The following PARD3 variants were observed in gnomAD, a reference collection of about 807,000 sequenced individuals.
The protein encoded by PARD3 is par-3 family cell polarity regulator, also known as partitioning defective 3 homolog.
In PARD3, 75 loss-of-function variants were observed where a neutral mutation model predicts 155.4. That is an observed-to-expected ratio of 0.48 (90% CI 0.40 to 0.58). The LOEUF (loss-of-function observed/expected upper bound fraction) is 0.58. PARD3 is among the 20% of genes least tolerant of loss of function. The probability of loss-of-function intolerance (pLI) is 0.00; values close to 1 mark genes in which losing one functional copy is unlikely to be tolerated. For synonymous variants in PARD3, 576 were observed against 610.5 expected (o/e 0.94, Z 0.83); for missense variants, 1,642 against 1,721.7 (o/e 0.95, Z 0.82).
chr10:34,177,574 C>G (rs1950089632), intron 22 of PARD3, among the ~76,000 whole-genome samples: 1 of 152,214 alleles, frequency 6.6e-6, no homozygotes, highest in Admixed American at 6.5e-5. Context: ...CACTGGGTTG[C>G]TAGCTTTCAA....
At position 34,449,875 on chromosome 10, in the gene PARD3, C is replaced by T. The variant is rs183161099; in HGVS notation, c.714+442G>A. 2.0e-5 allele frequency among the ~76,000 whole-genome samples: 3 copies of T among 152,310 alleles called. No individual in the cohort carries two copies. In the East Asian group the frequency reaches 5.8e-4, roughly 29 times the overall value. ...CCCAAACATGACAAAATACCGTAAT[C>T]TAAATTCTAAAACAACACCATAGGA... On this transcript the variant is annotated intron_variant, in intron 5 of 24. Transcript: ENST00000374788.
chr10:34,557,480 C>T (rs1564841073), intron 2 of PARD3, among the ~76,000 whole-genome samples: 1 of 151,754 alleles, frequency 6.6e-6, no homozygotes, highest in East Asian at 2.0e-4. Flanking sequence ...CCTACTGTTT[C>T]GTTTTTTTGT....
chr10:34,668,555 T>C (rs530354295), intron 2 of PARD3, among the ~76,000 whole-genome samples: 2 of 152,334 alleles, frequency 1.3e-5, no homozygotes, highest in Admixed American at 1.3e-4. Context: ...AACCTGGCTC[T>C]ATAGCATTAT....
At chr10:34,161,580 A>T (rs772781477) in intron 22 of PARD3, among the ~76,000 whole-genome samples, 1 of 152,182 alleles carries the variant, frequency 6.6e-6, no homozygotes, top group Non-Finnish European at 1.5e-5. Flanking sequence ...CTCTAACTTC[A>T]TTATAATCTA....
chr10:34,797,282 C>T (rs951867151), intron 1 of PARD3, among the ~76,000 whole-genome samples: 3 of 152,176 alleles, frequency 2.0e-5, no homozygotes, highest in Non-Finnish European at 4.4e-5. Flanking sequence ...TCCCGAGTAG[C>T]TGAGACTACA....
At position 34,364,257 on chromosome 10, in the gene PARD3, G is replaced by C. The variant is rs190922634; in HGVS notation, c.1708-3998C>G. ...GAGAATGTACAAAATATTGTGAAGA[G>C]AGGCAAAAGAAACATGGAATGTGCA... On this transcript the variant is annotated intron_variant, in intron 12 of 24. Transcript: ENST00000374788. Among the ~76,000 whole-genome samples the C allele has an allele frequency of 2.0e-3, 311 of 152,282 alleles. 2 individuals are homozygous for C. The highest frequency in any genetic ancestry group is 0.014 in the Middle Eastern group (4 of 294).
intron 2 of PARD3, among the ~76,000 whole-genome samples, chr10:34,604,080 C>CA (rs2090019414): frequency 6.6e-6 from 1 of 152,112 alleles, no homozygotes. Context: ...AAACAGGGAC[C>CA]AAAAGCAAGG....
At chr10:34,344,275 TTTTTG>T in intron 15 of PARD3, 4 of 966,366 alleles carry the variant, frequency 4.1e-6, no homozygotes, top group Non-Finnish European at 4.8e-6. Flanking sequence ...TGTTTGTTTG[TTTTTG>T]TTTTTTTTTT....
intron 1 of PARD3, among the ~76,000 whole-genome samples, chr10:34,813,133 T>C (rs1844417667): frequency 6.6e-6 from 1 of 152,218 alleles, no homozygotes; most frequent in Non-Finnish European, 1.5e-5. Context: ...ACAACTACAT[T>C]TGAACTACTG....
chr10:34,642,012 A>G (rs558730155), intron 2 of PARD3, among the ~76,000 whole-genome samples: 1 of 152,230 alleles, frequency 6.6e-6, no homozygotes, highest in South Asian at 2.1e-4. Flanking sequence ...GCCGAGGGGT[A>G]GCACTGGGAC....
intron 14 of PARD3, among the ~76,000 whole-genome samples, chr10:34,350,119 G>T (rs1389294958): frequency 6.6e-6 from 1 of 152,092 alleles, no homozygotes; most frequent in Non-Finnish European, 1.5e-5. Flanking sequence ...AGATACAATG[G>T]CTTTTAATTT....
In PARD3 at chr10:34,508,666, AAAAT is replaced by A. The variant is rs1170727081; in HGVS notation, c.403+8309_403+8312del. On this transcript the variant is annotated intron_variant, in intron 3 of 24. Transcript: ENST00000374788. ...ATCTAAGCCTGATTTGTTAATATTGAAAATAAAGACAGTTAAATGTATATCACAG... is the reference window on the plus strand; with the variant it reads ...ATCTAAGCCTGATTTGTTAATATTGAAAAGACAGTTAAATGTATATCACAG... Among the ~76,000 whole-genome samples, 3 of 152,338 alleles carry A rather than the reference AAAAT, an allele frequency of 2.0e-5. No individual in the cohort carries two copies. The East Asian group carries it at 5.8e-4, about 29-fold the overall frequency.
intron 23 of PARD3, 91 bp downstream of exon 23, chr10:34,131,372 C>T (rs900312225): frequency 5.6e-6 from 8 of 1,428,730 alleles, no homozygotes; most frequent in African/African-American, 1.4e-5. Context: ...CATCTTGTCT[C>T]GTTTCATAGA....
intron 12 of PARD3, among the ~76,000 whole-genome samples, chr10:34,372,139 C>G (rs545607303): frequency 6.6e-6 from 1 of 151,864 alleles, no homozygotes; most frequent in African/African-American, 2.4e-5. Flanking sequence ...ATGATTGAAT[C>G]AAGTTTTTTA....
chr10:34,494,169 C>T (rs7093981), intron 3 of PARD3, among the ~76,000 whole-genome samples: 11,421 of 152,196 alleles, frequency 0.075, 1,312 homozygotes, highest in African/African-American at 0.25. Flanking sequence ...CTATGGAATC[C>T]GGAAACACCT....
chr10:34,635,843 A>G (rs913796987), intron 2 of PARD3, among the ~76,000 whole-genome samples: 2 of 152,170 alleles, frequency 1.3e-5, no homozygotes, highest in East Asian at 3.9e-4. Flanking sequence ...ATTAATAGAC[A>G]AAGTCTGGGA....
intron 3 of PARD3, among the ~76,000 whole-genome samples, chr10:34,510,055 G>C (rs1469462581): frequency 6.6e-6 from 1 of 152,154 alleles, no homozygotes; most frequent in Non-Finnish European, 1.5e-5. Flanking sequence ...ATCACTAATT[G>C]GTGTTTAGCA....
At chr10:34,755,326 C>T (rs945365458) in intron 1 of PARD3, among the ~76,000 whole-genome samples, 3 of 152,028 alleles carry the variant, frequency 2.0e-5, no homozygotes, top group Admixed American at 6.6e-5. Flanking sequence ...GCAGGAAAAT[C>T]GCTTGAGCCA....
intron 22 of PARD3, among the ~76,000 whole-genome samples, chr10:34,180,235 C>T (rs544704874): frequency 2.6e-5 from 4 of 152,120 alleles, no homozygotes; most frequent in South Asian, 2.1e-4. Context: ...TTAGTAGAGA[C>T]GGGGTTTCAC....
Sources: gnomAD v4.1 joint callset for allele counts (sites outside exome capture counted in the v4.1 genomes callset) on GRCh38, gnomAD v4.1.1 for gene constraint, MANE v1.5 for transcripts, NCBI Gene and HGNC (gene_info 2026-07-23, HGNC 2026-07-21) for gene names.